The following ZNF808 variants were observed in gnomAD, a reference collection of about 807,000 sequenced individuals.
The protein encoded by ZNF808 is zinc finger protein 808.
ZNF808 carries 5 observed loss-of-function variants against 8.7 expected under a neutral mutation model. That is an observed-to-expected ratio of 0.58 (90% CI 0.30 to 1.21). The LOEUF (loss-of-function observed/expected upper bound fraction) is 1.21, where lower values mean the gene tolerates loss of function less well. Among genes scored for constraint, ZNF808 ranks in the 50% most tolerant of loss-of-function variants. ZNF808 has a pLI of 0.07. For synonymous variants in ZNF808, 380 were observed against 366.0 expected (o/e 1.04, Z -0.44); for missense variants, 1,103 against 1,098.4 (o/e 1.00, Z -0.06).
exon 4 of ZNF808, chr19:52,564,371 T>C (rs1476742389): frequency 1.0e-5 from 5 of 481,502 alleles, no homozygotes; most frequent in South Asian, 2.7e-5. Context: ...GAATCTGTTA[T>C]GAACGCATTG....
downstream of ZNF808, among the ~76,000 whole-genome samples, chr19:52,559,321 T>C (rs1409018051): frequency 1.3e-5 from 2 of 152,152 alleles, no homozygotes; most frequent in Non-Finnish European, 2.9e-5. Flanking sequence ...TTTAAGGCAT[T>C]GAGATGTTTA....
chr19:52,545,710 A>C (rs1028806103), intron 3 of ZNF808, among the ~76,000 whole-genome samples: 8 of 152,066 alleles, frequency 5.3e-5, no homozygotes, highest in Admixed American at 4.6e-4. Context: ...CCTGGGTGGC[A>C]CAGGTTGCAG....
At chr19:52,549,366 C>T (rs992465086) in intron 4 of ZNF808, among the ~76,000 whole-genome samples, 1 of 152,080 alleles carries the variant, frequency 6.6e-6, no homozygotes, top group Admixed American at 6.5e-5. Flanking sequence ...ATAGAGTTTA[C>T]TTGTTTGTTT....
intron 2 of ZNF808, among the ~76,000 whole-genome samples, chr19:52,533,843 CAAA>C (rs919374020): frequency 1.3e-4 from 4 of 30,760 alleles, no homozygotes; most frequent in African/African-American, 3.1e-4. Flanking sequence ...ACTCCGTCTC[CAAA>C]AAAAAAAAAA....
chr19:52,549,976 C>T (rs2123170895), intron 4 of ZNF808, among the ~76,000 whole-genome samples: 1 of 152,246 alleles, frequency 6.6e-6, no homozygotes, highest in Non-Finnish European at 1.5e-5. Context: ...CGCAGCTCAG[C>T]GCTTGTGTCC....
At chr19:52,530,569 A>T (rs1027235326) in intron 1 of ZNF808, among the ~76,000 whole-genome samples, 1 of 152,128 alleles carries the variant, frequency 6.6e-6, no homozygotes, top group Non-Finnish European at 1.5e-5. Context: ...AGGCTGAGGC[A>T]GGAGAATTAC....
chr19:52,541,030 C>A (rs2059664857), intron 2 of ZNF808, among the ~76,000 whole-genome samples: 1 of 152,166 alleles, frequency 6.6e-6, no homozygotes, highest in African/African-American at 2.4e-5. Context: ...CAGCTCACTG[C>A]AACCTCTACC....
rs1326131571 is a variant in ZNF808 at position 52,554,384 on chromosome 19, A to G, written c.1468A>G (p.Lys490Glu). The part of the protein sequence containing the change: ...EKTYKCNECR[K>E]TFSRRSSLLC... ...AACTTACAAGTGTAATGAGTGTCGC[A>G]AGACCTTCAGCCGCAGGTCATCCCT... is the stretch of plus-strand genomic sequence containing the variant. Residue 490 changes from lysine to glutamate, a missense_variant, in exon 5 of 5, where the codon AAG becomes GAG. Transcript: ENST00000359798. 2.5e-6 allele frequency: 4 copies of G among 1,613,836 alleles called. No individual in the cohort carries two copies. The highest frequency in any genetic ancestry group is 3.4e-6 in the Non-Finnish European group (4 of 1,180,000).
intron 2 of ZNF808, among the ~76,000 whole-genome samples, chr19:52,542,820 T>C (rs2059684624): frequency 6.6e-6 from 1 of 152,046 alleles, no homozygotes; most frequent in African/African-American, 2.4e-5. Context: ...GTTTCCTTTT[T>C]TTTTTTGAGA....
At chr19:52,531,694 T>C (rs936216385) in intron 1 of ZNF808, among the ~76,000 whole-genome samples, 6 of 152,148 alleles carry the variant, frequency 3.9e-5, no homozygotes, top group African/African-American at 7.2e-5. Context: ...ATTTGTTTTA[T>C]ACAATGTTTT....
downstream of ZNF808, among the ~76,000 whole-genome samples, chr19:52,560,325 C>CAA (rs36115849): frequency 5.9e-5 from 8 of 136,180 alleles, no homozygotes; most frequent in Admixed American, 2.2e-4. Flanking sequence ...CACTCCTTCT[C>CAA]AAAAAAAAAA....
downstream of ZNF808, among the ~76,000 whole-genome samples, chr19:52,556,945 C>A (rs919893023): frequency 1.3e-5 from 2 of 152,000 alleles, no homozygotes; most frequent in African/African-American, 4.8e-5. Context: ...GAATGCTCCT[C>A]CAAAAGCACC....
At position 52,554,587 on chromosome 19, in the gene ZNF808, T is replaced by C; in HGVS notation, c.1671T>C (p.His557=). The C allele has an allele frequency of 6.2e-7, 1 of 1,613,678 alleles. No homozygotes were observed. The highest frequency in any genetic ancestry group is 1.1e-5 in the South Asian group (1 of 90,972). ...VFMRNSVLAV[H]TRIHTAKKPY... is the part of the protein sequence containing the mutation. The stretch of plus-strand genomic sequence containing the variant: ...TGCGTAATTCAGTCCTGGCTGTACA[T>C]ACTAGAATTCACACTGCAAAGAAAC... The change falls in exon 5 of 5, where the codon CAT becomes CAC. Residue 557 remains histidine (H), a synonymous_variant. Transcript: ENST00000359798.
chr19:52,555,323 A>C lies in ZNF808; in HGVS notation c.2407A>C (p.Asn803His). 1 of 1,614,214 alleles carries C rather than the reference A, an allele frequency of 6.2e-7. No homozygotes were observed. Residue 803 changes from asparagine to histidine, a missense_variant, in exon 5 of 5, where the codon AAT (asparagine) becomes CAT (histidine). By Grantham distance (68) the Asn-to-His change is moderately conservative. Transcript: ENST00000359798. ...CTVCDKAFVR[N>H]SYLARHIRIH... ...GGTTTGTGACAAGGCTTTCGTGCGT[A>C]ATTCATACCTGGCAAGACATATTAG...
intron 3 of ZNF808, among the ~76,000 whole-genome samples, chr19:52,546,449 T>C (rs1041351618): frequency 1.1e-4 from 17 of 152,072 alleles, no homozygotes; most frequent in African/African-American, 4.1e-4. Context: ...CCTCCCAAAG[T>C]GCTGGGATTA....
intron 3 of ZNF808, among the ~76,000 whole-genome samples, chr19:52,546,937 G>A (rs1351651578): frequency 7.0e-6 from 1 of 142,588 alleles, no homozygotes; most frequent in Non-Finnish European, 1.5e-5. Context: ...CCATTGCCTG[G>A]AATTGCTTTT....
Position 52,531,343 on chromosome 19 carries a change from C to T in ZNF808, c.-121-1565C>T, listed in dbSNP as rs60194947. ...CAAAATTAGTGTGTAGGTGTGGTGG[C>T]GCGTGGCTGTAATCTCAGCTACTCG... is the stretch of plus-strand genomic sequence containing the variant. On this transcript the variant is annotated intron_variant, in intron 1 of 4. Coordinates refer to ENST00000359798, the MANE Select transcript of ZNF808 (RefSeq NM_001039886.4). Among the ~76,000 whole-genome samples the T allele has an allele frequency of 3.0e-3, 446 of 150,302 alleles. 2 individuals carry two copies. Among genetic ancestry groups the T allele is most frequent in the African/African-American group, 9.5e-3 (390 of 40,852 alleles).
At chr19:52,532,532 T>G (rs1393061119) in intron 1 of ZNF808, among the ~76,000 whole-genome samples, 13 of 152,240 alleles carry the variant, frequency 8.5e-5, no homozygotes, top group Non-Finnish European at 1.9e-4. Context: ...TAGGATTTAT[T>G]TGTGTACAGT....
intron 4 of ZNF808, among the ~76,000 whole-genome samples, chr19:52,552,619 T>G (rs1479953691): frequency 1.3e-5 from 2 of 151,970 alleles, no homozygotes; most frequent in African/African-American, 2.4e-5. Context: ...GCTATAATTG[T>G]TTGATAATAC....
Sources: gnomAD v4.1 joint callset for allele counts (sites outside exome capture counted in the v4.1 genomes callset) on GRCh38, gnomAD v4.1.1 for gene constraint, MANE v1.5 for transcripts, NCBI Gene and HGNC (gene_info 2026-07-23, HGNC 2026-07-21) for gene names.